Variants in CDH20 observed in about 807,000 individuals in gnomAD.
CDH20 encodes cadherin-20.
In CDH20, 29 loss-of-function variants were observed where a neutral mutation model predicts 74.2. The ratio of observed to expected loss-of-function variants is 0.39; its 90% CI spans 0.29 to 0.53. The LOEUF is 0.53. Among genes scored for constraint, CDH20 ranks in the 20% least tolerant of loss-of-function variants. CDH20 has a pLI of 0.69. For missense variants in CDH20, 988 were observed against 1,048.3 expected (o/e 0.94, Z 0.79); for synonymous variants, 469 against 405.4 (o/e 1.16, Z -1.88).
At chr18:61,362,759 A>ACTATGACATAGTAGACTTAGTATG (rs1910741458) in intron 1 of CDH20, among the ~76,000 whole-genome samples, 1 of 151,286 alleles carries the variant, frequency 6.6e-6, no homozygotes, top group African/African-American at 2.5e-5. Flanking sequence ...TAGTATGACT[A>ACTATGACATAGTAGACTTAGTATG]ACTACTATGA....
At chr18:61,520,421 G>A (rs1182956104) in intron 6 of CDH20, among the ~76,000 whole-genome samples, 2 of 150,520 alleles carry the variant, frequency 1.3e-5, no homozygotes, top group Non-Finnish European at 2.9e-5. Flanking sequence ...CAATACAAGA[G>A]CACCCAGATT....
At chr18:61,435,125 C>A (rs571081694) in intron 1 of CDH20, among the ~76,000 whole-genome samples, 1 of 152,084 alleles carries the variant, frequency 6.6e-6, no homozygotes, top group Non-Finnish European at 1.5e-5. Flanking sequence ...TTCTACAGAT[C>A]AGGAAATTGA....
At chr18:61,343,700 C>T (rs754584348) in intron 1 of CDH20, among the ~76,000 whole-genome samples, 6 of 152,238 alleles carry the variant, frequency 3.9e-5, no homozygotes, top group South Asian at 2.1e-4. Context: ...TCAAAATAGC[C>T]GACCTGACAC....
rs1730666327 is a variant in CDH20 at position 61,353,478 on chromosome 18, T to C, written c.-153+19651T>C. On this transcript the variant is annotated intron_variant, in intron 1 of 11. Transcript: ENST00000262717. The surrounding 1 kb of genome is among the most constrained non-coding windows in gnomAD (Gnocchi z 4.6). ...TTGCAATACCAGTACTAATCATTTG[T>C]CTACTTGTGGTCCTCTTGTTTTTTC... 6.6e-6 allele frequency among the ~76,000 whole-genome samples: 1 copy of C among 152,250 alleles called. No individual in the cohort carries two copies. Among genetic ancestry groups the C allele is most frequent in the African/African-American group, 2.4e-5 (1 of 41,476 alleles).
Position 61,354,547 on chromosome 18 carries a change from T to C in CDH20, c.-153+20720T>C, listed in dbSNP as rs151249546. Among the ~76,000 whole-genome samples the C allele has an allele frequency of 7.2e-5, 11 of 152,218 alleles. 1 individual carries two copies. The highest frequency in any genetic ancestry group is 1.7e-4 in the African/African-American group (7 of 41,522). ...TTGCTTGAACCTGGGAGGCAGAGGT[T>C]GTAGTGAGCCGAAATAGCACCACTG... is the stretch of plus-strand genomic sequence containing the variant. On this transcript the variant is annotated intron_variant, in intron 1 of 11. Transcript: ENST00000262717.
chr18:61,505,256 C>G (rs557395655), intron 5 of CDH20, among the ~76,000 whole-genome samples: 1 of 151,996 alleles, frequency 6.6e-6, no homozygotes, highest in East Asian at 1.9e-4. Context: ...GTCATGTTAC[C>G]CCAAACATGG....
At chr18:61,478,347 CAAT>C (rs1300229186) in intron 1 of CDH20, among the ~76,000 whole-genome samples, 1 of 151,956 alleles carries the variant, frequency 6.6e-6, no homozygotes, top group Non-Finnish European at 1.5e-5. Flanking sequence ...ATGTTAAGGA[CAAT>C]AAGCCCTCGT....
chr18:61,510,471 T>C (rs1568170428), intron 6 of CDH20, among the ~76,000 whole-genome samples: 4 of 152,240 alleles, frequency 2.6e-5, no homozygotes, highest in Admixed American at 2.6e-4. Flanking sequence ...ACCACAGTTA[T>C]AACATTAAAA....
intron 1 of CDH20, among the ~76,000 whole-genome samples, chr18:61,420,547 T>C (rs1273838491): frequency 6.6e-6 from 1 of 152,138 alleles, no homozygotes; most frequent in Non-Finnish European, 1.5e-5. Flanking sequence ...AGAATAGGAA[T>C]TGATATTAGT....
intron 1 of CDH20, among the ~76,000 whole-genome samples, chr18:61,363,004 A>C (rs572139613): frequency 6.6e-6 from 1 of 152,276 alleles, no homozygotes; most frequent in African/African-American, 2.4e-5. Context: ...GTCCTGGAGA[A>C]GTTGTCTTCT....
intron 1 of CDH20, among the ~76,000 whole-genome samples, chr18:61,438,163 C>T (rs1342034282): frequency 6.6e-6 from 1 of 152,086 alleles, no homozygotes; most frequent in African/African-American, 2.4e-5. Context: ...CACCTACTTC[C>T]TACTCTACAT....
rs138127106 is a variant in CDH20 at position 61,364,102 on chromosome 18, T to C, written c.-153+30275T>C. 6.1e-3 allele frequency among the ~76,000 whole-genome samples: 923 copies of C among 152,238 alleles called. 7 individuals are homozygous for C. The highest frequency in any genetic ancestry group is 7.0e-3 in the Admixed American group (107 of 15,294). Reference sequence around the variant, plus strand: ...AAATTTATTATAACTCCCTGGATTATATGTGTAAAAAGTCAACTGCTGGTG... The same window carrying C: ...AAATTTATTATAACTCCCTGGATTACATGTGTAAAAAGTCAACTGCTGGTG... On this transcript the variant is annotated intron_variant, in intron 1 of 11. Coordinates refer to ENST00000262717, the MANE Select transcript of CDH20 (RefSeq NM_031891.4).
At chr18:61,414,674 T>G (rs990243889) in intron 1 of CDH20, among the ~76,000 whole-genome samples, 3 of 152,074 alleles carry the variant, frequency 2.0e-5, no homozygotes, top group Non-Finnish European at 4.4e-5. Flanking sequence ...AAGGCATGAA[T>G]GGGACAAATC....
At chr18:61,345,643 G>A (rs1293107172) in intron 1 of CDH20, among the ~76,000 whole-genome samples, 1 of 152,098 alleles carries the variant, frequency 6.6e-6, no homozygotes, top group African/African-American at 2.4e-5. Context: ...CTCCCCCTAG[G>A]TTTTTACATT....
intron 1 of CDH20, among the ~76,000 whole-genome samples, chr18:61,358,939 G>T (rs879928479): frequency 6.6e-6 from 1 of 150,556 alleles, no homozygotes; most frequent in Non-Finnish European, 1.5e-5. Context: ...TTTTTTTTCT[G>T]AGTGACTATA....
intron 2 of CDH20, among the ~76,000 whole-genome samples, chr18:61,497,323 C>T (rs987538981): frequency 6.6e-6 from 1 of 152,178 alleles, no homozygotes; most frequent in African/African-American, 2.4e-5. Context: ...CTGAGATCAG[C>T]TCAAAGCCAG....
At chr18:61,538,096 T>C (rs1912874169) in intron 8 of CDH20, among the ~76,000 whole-genome samples, 1 of 152,188 alleles carries the variant, frequency 6.6e-6, no homozygotes, top group Admixed American at 6.5e-5. Context: ...GCCAAAGATA[T>C]GGATTTGGTG....
intron 1 of CDH20, among the ~76,000 whole-genome samples, chr18:61,412,378 G>T (rs1568129309): frequency 6.6e-6 from 1 of 152,118 alleles, no homozygotes; most frequent in African/African-American, 2.4e-5. Flanking sequence ...CTGCTGTTGA[G>T]GGTGTAAATT....
intron 6 of CDH20, among the ~76,000 whole-genome samples, chr18:61,515,364 C>T (rs1911958269): frequency 1.3e-5 from 2 of 152,186 alleles, no homozygotes; most frequent in South Asian, 4.2e-4. Flanking sequence ...TCGGCTCGCG[C>T]ACGGTGCACG....
Sources: allele counts gnomAD v4.1 joint callset (sites outside exome capture counted in the v4.1 genomes callset), GRCh38; gene constraint gnomAD v4.1.1; non-coding constraint Gnocchi (gnomAD v3.1); transcripts MANE v1.5; gene names NCBI Gene and HGNC (gene_info 2026-07-23, HGNC 2026-07-21).